The following NR6A1 variants were observed in gnomAD, a reference collection of about 807,000 sequenced individuals.
NR6A1 encodes retinoic acid receptor-related testis-associated receptor.
NR6A1 carries 7 observed loss-of-function variants against 59.1 expected under a neutral mutation model. The observed-to-expected ratio is 0.12, with a 90% CI of 0.07 to 0.22. NR6A1 has a LOEUF of 0.22. NR6A1 is among the 10% of genes least tolerant of loss of function. The probability of loss-of-function intolerance (pLI) is 1.00; values close to 1 mark genes in which losing one functional copy is unlikely to be tolerated. For synonymous variants in NR6A1, 243 were observed against 236.1 expected (o/e 1.03, Z -0.27); for missense variants, 468 against 611.6 (o/e 0.77, Z 2.48).
chr9:124,616,279 G>T (rs1410862388), intron 2 of NR6A1, among the ~76,000 whole-genome samples: 1 of 151,290 alleles, frequency 6.6e-6, no homozygotes, highest in African/African-American at 2.4e-5. Context: ...GCGCATGCCT[G>T]TAATCCCAAG....
chr9:124,757,051 A>G (rs1414102917), intron 1 of NR6A1, among the ~76,000 whole-genome samples: 1 of 152,104 alleles, frequency 6.6e-6, no homozygotes, highest in Non-Finnish European at 1.5e-5. Context: ...GATAAAAAGC[A>G]AAGAGCCTAC....
intron 2 of NR6A1, among the ~76,000 whole-genome samples, chr9:124,644,023 C>G (rs1836854368): frequency 1.3e-5 from 2 of 152,138 alleles, no homozygotes; most frequent in South Asian, 4.1e-4. Flanking sequence ...GCTTCAACCT[C>G]CCAAGTAGCT....
intron 1 of NR6A1, among the ~76,000 whole-genome samples, chr9:124,759,910 G>C (rs1378234997): frequency 1.3e-5 from 2 of 151,582 alleles, no homozygotes; most frequent in African/African-American, 4.9e-5. Flanking sequence ...TGCGATGGTG[G>C]GCACCTATAA....
At position 124,727,831 on chromosome 9, in the gene NR6A1, T is replaced by C. The variant is rs1357101705; in HGVS notation, c.142+5477A>G. ...TCCCAAGTAACTGAGATTATAGGCATGTGCCACCATGGCCAGTTTATTTTT... is the reference window on the plus strand; with the variant it reads ...TCCCAAGTAACTGAGATTATAGGCACGTGCCACCATGGCCAGTTTATTTTT... On this transcript the variant is annotated intron_variant, in intron 2 of 9. Transcript: ENST00000487099. Among the ~76,000 whole-genome samples, 3 of 150,994 alleles carry C rather than the reference T, an allele frequency of 2.0e-5. No individual in the cohort carries two copies. In the East Asian group the frequency reaches 6.0e-4, roughly 30 times the overall value.
chr9:124,715,710 G>GA (rs554004838), intron 2 of NR6A1, among the ~76,000 whole-genome samples: 31 of 150,026 alleles, frequency 2.1e-4, no homozygotes, highest in South Asian at 1.9e-3. Flanking sequence ...GAAGTGGGGA[G>GA]AAAAAAAAAC....
At chr9:124,657,999 A>C (rs767538672) in intron 2 of NR6A1, among the ~76,000 whole-genome samples, 4 of 152,236 alleles carry the variant, frequency 2.6e-5, no homozygotes. Context: ...TCTGGATATG[A>C]AGCTTGGTTA....
rs150077545 is a variant in NR6A1, at chr9:124,635,290, G to A, written c.143-80720C>T. 4.8e-3 allele frequency among the ~76,000 whole-genome samples: 736 copies of A among 151,964 alleles called. 2 individuals are homozygous for A. Among genetic ancestry groups the A allele is most frequent in the Middle Eastern group, 0.027 (8 of 294 alleles). ...TATGGTTTAGCTCTGTGTCCCCACC[G>A]AAATCTCACCTTGAATTGTAATAAT... On this transcript the variant is annotated intron_variant, in intron 2 of 9. Coordinates refer to ENST00000487099, the MANE Select transcript of NR6A1 (RefSeq NM_033334.4).
At chr9:124,549,458 A>G (rs1485622362) in intron 3 of NR6A1, among the ~76,000 whole-genome samples, 2 of 152,168 alleles carry the variant, frequency 1.3e-5, no homozygotes, top group East Asian at 1.9e-4. Context: ...AGGAACATAC[A>G]TGGGGGATAC....
chr9:124,663,768 C>T (rs940945458), intron 2 of NR6A1, among the ~76,000 whole-genome samples: 3 of 152,008 alleles, frequency 2.0e-5, no homozygotes, highest in African/African-American at 7.2e-5. Flanking sequence ...CAACACTGCA[C>T]AAATAACTTG....
At position 124,537,070 on chromosome 9, in the gene NR6A1, ATTTTTTT is replaced by A. The variant is rs111541971; in HGVS notation, c.825-945_825-939del. On this transcript the variant is annotated intron_variant, in intron 6 of 9. Coordinates refer to ENST00000487099, the MANE Select transcript of NR6A1 (RefSeq NM_033334.4). ...CTTTTCCTCACACTCCCACATCTAA[ATTTTTTT>A]TTTTTTTTTTTTTGAGACGGAGTCT... Among the ~76,000 whole-genome samples, 6 of 136,626 alleles carry A rather than the reference ATTTTTTT, an allele frequency of 4.4e-5. No individual in the cohort carries two copies. In the South Asian group the frequency reaches 9.1e-4, roughly 21 times the overall value. The allele number at this position is 136,626 out of a possible 152,430, so 89.6% of individuals were successfully genotyped here. A position where few individuals can be genotyped will look rare whatever the true frequency, so the allele number is the denominator to read the frequency against.
intron 7 of NR6A1, 72 bp from the exon 8 acceptor site, chr9:124,526,972 C>G (rs1334000010): frequency 6.4e-7 from 1 of 1,565,050 alleles, no homozygotes; most frequent in Admixed American, 1.7e-5. Flanking sequence ...AGCCAGAGAG[C>G]TCCTACAGCT....
At chr9:124,547,526 TA>T (rs1236956920) in intron 3 of NR6A1, among the ~76,000 whole-genome samples, 2 of 152,160 alleles carry the variant, frequency 1.3e-5, no homozygotes, top group African/African-American at 4.8e-5. Context: ...GAAAGAAACT[TA>T]AAGTGGAAAA....
chr9:124,601,743 G>A (rs1459794244), intron 2 of NR6A1, among the ~76,000 whole-genome samples: 5 of 151,002 alleles, frequency 3.3e-5, no homozygotes, highest in Admixed American at 6.6e-5. Context: ...TGTGTGGATC[G>A]TTTGAGCTCA....
chr9:124,645,875 A>G (rs1836916148), intron 2 of NR6A1, among the ~76,000 whole-genome samples: 1 of 152,238 alleles, frequency 6.6e-6, no homozygotes, highest in Admixed American at 6.5e-5. Flanking sequence ...ATTCTGGCCC[A>G]TAAACCACAT....
chr9:124,750,121 T>C (rs569094664), intron 1 of NR6A1, among the ~76,000 whole-genome samples: 4 of 152,262 alleles, frequency 2.6e-5, no homozygotes, highest in Non-Finnish European at 5.9e-5. Flanking sequence ...TGAGACTGTA[T>C]AGACACATTG....
At chr9:124,617,282 C>T (rs562402301) in intron 2 of NR6A1, among the ~76,000 whole-genome samples, 1 of 152,334 alleles carries the variant, frequency 6.6e-6, no homozygotes, top group South Asian at 2.1e-4. Flanking sequence ...CCGGGTGGCC[C>T]TTATCCTACA....
rs188842369 is a variant in NR6A1, at chr9:124,739,911, G to C, written c.101-6562C>G. ...AACAGAGACATGGACTCTGGTTAAC[G>C]TTCTGCTAGTTACTCAGTCTCTTTT... On this transcript the variant is annotated intron_variant, in intron 1 of 9. Coordinates refer to ENST00000487099, the MANE Select transcript of NR6A1 (RefSeq NM_033334.4). Among the ~76,000 whole-genome samples the C allele has an allele frequency of 8.5e-4, 130 of 152,294 alleles. 2 individuals carry two copies. The highest frequency in any genetic ancestry group is 2.5e-3 in the African/African-American group (102 of 41,562).
intron 2 of NR6A1, among the ~76,000 whole-genome samples, chr9:124,591,220 C>T (rs906250028): frequency 6.6e-6 from 1 of 152,234 alleles, no homozygotes; most frequent in African/African-American, 2.4e-5. Flanking sequence ...CCTAAATTTG[C>T]TCCTCTTTGA....
intron 2 of NR6A1, among the ~76,000 whole-genome samples, chr9:124,631,952 G>T (rs1304999755): frequency 6.6e-6 from 1 of 152,122 alleles, no homozygotes; most frequent in African/African-American, 2.4e-5. Flanking sequence ...GTTTACTAAG[G>T]ATAATGGCCT....
Sources: allele counts gnomAD v4.1 joint callset (sites outside exome capture counted in the v4.1 genomes callset), GRCh38; gene constraint gnomAD v4.1.1; transcripts MANE v1.5; gene names NCBI Gene and HGNC (gene_info 2026-07-23, HGNC 2026-07-21).